The following PTPRR variants were observed in gnomAD, a reference collection of about 807,000 sequenced individuals.
The protein encoded by PTPRR is receptor-type tyrosine-protein phosphatase R.
In PTPRR, 38 loss-of-function variants were observed where a neutral mutation model predicts 77.2. That is an observed-to-expected ratio of 0.49 (90% CI 0.38 to 0.65). The LOEUF is 0.65. Ranked by LOEUF, PTPRR falls within the 30% of genes least tolerant of loss-of-function variation. The probability of loss-of-function intolerance (pLI) is 0.00; values close to 1 mark genes in which losing one functional copy is unlikely to be tolerated. For missense variants in PTPRR, 744 were observed against 799.2 expected (o/e 0.93, Z 0.83); for synonymous variants, 299 against 283.1 (o/e 1.06, Z -0.57).
chr12:70,790,762 A>G (rs1565698200), intron 2 of PTPRR, among the ~76,000 whole-genome samples: 1 of 152,164 alleles, frequency 6.6e-6, no homozygotes, highest in Non-Finnish European at 1.5e-5. Context: ...AAAACCAGCC[A>G]TCCCAGGAAG....
At chr12:70,817,211 A>C (rs1392885600) in intron 2 of PTPRR, among the ~76,000 whole-genome samples, 1 of 152,202 alleles carries the variant, frequency 6.6e-6, no homozygotes, top group Admixed American at 6.5e-5. Context: ...CAAACACTTT[A>C]ATGTGTTTTA....
At chr12:70,643,086 C>T (rs1886067339) in intron 13 of PTPRR, among the ~76,000 whole-genome samples, 1 of 152,154 alleles carries the variant, frequency 6.6e-6, no homozygotes, top group South Asian at 2.1e-4. Flanking sequence ...CAGAGGATAG[C>T]ATTTGCTCTA....
intron 6 of PTPRR, among the ~76,000 whole-genome samples, chr12:70,724,291 C>T: frequency 6.6e-6 from 1 of 152,154 alleles, no homozygotes; most frequent in Non-Finnish European, 1.5e-5. Context: ...TGGAGCCAGA[C>T]TGCCGGGGGT....
chr12:70,642,262 G>T lies in PTPRR; in HGVS notation c.1881-2985C>A, dbSNP rs1886031776. On this transcript the variant is annotated intron_variant, in intron 13 of 13. Coordinates refer to ENST00000283228, the MANE Select transcript of PTPRR (RefSeq NM_002849.4). ...ACTTTTTTTGAATGTGGACATTATA[G>T]CTTTCTCCCATCCTGTAATTATGCT... Among the ~76,000 whole-genome samples, 4 of 152,028 alleles carry T rather than the reference G, an allele frequency of 2.6e-5. No individual in the cohort carries two copies. The South Asian group carries it at 8.3e-4, about 32-fold the overall frequency.
chr12:70,848,163 A>G (rs1253241609), intron 2 of PTPRR, among the ~76,000 whole-genome samples: 1 of 152,212 alleles, frequency 6.6e-6, no homozygotes, highest in Non-Finnish European at 1.5e-5. Context: ...GGCCTAAACG[A>G]ACTGTCAAAC....
intron 6 of PTPRR, among the ~76,000 whole-genome samples, chr12:70,717,142 T>C (rs1889061839): frequency 6.6e-6 from 1 of 152,212 alleles, no homozygotes; most frequent in Non-Finnish European, 1.5e-5. Flanking sequence ...TTATTTCTTT[T>C]CATCAGAGAT....
intron 8 of PTPRR, among the ~76,000 whole-genome samples, chr12:70,696,942 T>A (rs1300504002): frequency 6.6e-6 from 1 of 152,176 alleles, no homozygotes; most frequent in Non-Finnish European, 1.5e-5. Flanking sequence ...CTTGTTCCTT[T>A]TTATTGATTC....
At chr12:70,910,677 G>A (rs1893686847) in intron 1 of PTPRR, among the ~76,000 whole-genome samples, 1 of 152,066 alleles carries the variant, frequency 6.6e-6, no homozygotes, top group African/African-American at 2.4e-5. Flanking sequence ...CCAGTTTGAG[G>A]AAATAAAACA....
chr12:70,895,013 T>C (rs1379794224), intron 1 of PTPRR, among the ~76,000 whole-genome samples: 2 of 151,732 alleles, frequency 1.3e-5, no homozygotes, highest in African/African-American at 4.8e-5. Flanking sequence ...AAGATGATTC[T>C]CATACTATTA....
At chr12:70,820,197 C>G (rs1290067227) in intron 2 of PTPRR, among the ~76,000 whole-genome samples, 1 of 152,172 alleles carries the variant, frequency 6.6e-6, no homozygotes. Context: ...TAAAAATAAT[C>G]ACTAGACACC....
At chr12:70,666,291 CA>C (rs1270186850) in intron 10 of PTPRR, among the ~76,000 whole-genome samples, 1 of 152,082 alleles carries the variant, frequency 6.6e-6, no homozygotes, top group Non-Finnish European at 1.5e-5. Context: ...GCTACTTAAC[CA>C]CAGCATTGAC....
At chr12:70,889,169 T>C (rs570858535) in intron 2 of PTPRR, among the ~76,000 whole-genome samples, 1 of 152,326 alleles carries the variant, frequency 6.6e-6, no homozygotes, top group South Asian at 2.1e-4. Flanking sequence ...TCTGTTGATA[T>C]GTACATAGAC....
At chr12:70,813,879 C>T (rs1010425600) in intron 2 of PTPRR, among the ~76,000 whole-genome samples, 2 of 152,122 alleles carry the variant, frequency 1.3e-5, no homozygotes, top group South Asian at 4.1e-4. Context: ...GAGTCCTGAT[C>T]AGCACAAGGA....
intron 13 of PTPRR, among the ~76,000 whole-genome samples, chr12:70,641,666 C>T (rs930423796): frequency 6.6e-6 from 1 of 152,156 alleles, no homozygotes; most frequent in Non-Finnish European, 1.5e-5. Flanking sequence ...ATGAAAAAAA[C>T]TGGCATCAGA....
chr12:70,662,408 A>G, intron 11 of PTPRR, 87 bp downstream of exon 11: 1 of 686,874 alleles, frequency 1.5e-6, no homozygotes, highest in Non-Finnish European at 2.3e-6. Flanking sequence ...CTTAAATTGC[A>G]TTTGTAGTAC....
chr12:70,716,178 G>T (rs1275507259), intron 6 of PTPRR, among the ~76,000 whole-genome samples: 1 of 152,070 alleles, frequency 6.6e-6, no homozygotes, highest in Non-Finnish European at 1.5e-5. Flanking sequence ...CAGCTTCTAA[G>T]TGTTTATAAC....
rs995322053 is a variant in PTPRR, at chr12:70,701,396, A to G, written c.1008-73T>C. 11 of 1,321,252 alleles carry G rather than the reference A, an allele frequency of 8.3e-6. No homozygotes were observed. In the Admixed American group the frequency reaches 1.5e-4, roughly 18 times the overall value. 81.8% of individuals were successfully genotyped at this position (1,321,252 alleles called of 1,614,324 possible). A position where few individuals can be genotyped will look rare whatever the true frequency, so the allele number is the denominator to read the frequency against. On this transcript the variant is annotated intron_variant, in intron 6 of 13. Transcript: ENST00000283228. The stretch of plus-strand genomic sequence containing the variant: ...ATTGCAAAAACTTGTCTTTCTGTAC[A>G]TGCACACAATTCAGTGAGAACTTTT...
At chr12:70,722,124 C>G (rs562122265) in intron 6 of PTPRR, among the ~76,000 whole-genome samples, 22 of 152,270 alleles carry the variant, frequency 1.4e-4, no homozygotes, top group Non-Finnish European at 3.1e-4. Context: ...TTCCCACCCA[C>G]TCCTTTCCTG....
rs767738639 is a variant in PTPRR at position 70,892,735 on chromosome 12, C to A, written c.301G>T (p.Gly101Cys). Residue 101 changes from glycine (G) to cysteine (C), a missense_variant, in exon 2 of 14, where the codon GGT becomes TGT. Physicochemically the swap from Gly to Cys is radical, Grantham distance 159. Coordinates refer to ENST00000283228, the MANE Select transcript of PTPRR (RefSeq NM_002849.4). Reference sequence around the variant, plus strand: ...AGATTTTCCACTTCAAGATCTTGACCATCCATGGCCAGCAGATTGAGAGAC... The same window carrying A: ...AGATTTTCCACTTCAAGATCTTGACAATCCATGGCCAGCAGATTGAGAGAC... ...DPSLNLLAMDGQDLEVENLPI... is the reference protein window; with the variant it reads ...DPSLNLLAMDCQDLEVENLPI... 1.9e-5 allele frequency: 30 copies of A among 1,613,220 alleles called. No homozygotes were observed. The highest frequency in any genetic ancestry group is 4.0e-5 in the African/African-American group (3 of 74,824).
Sources: allele counts gnomAD v4.1 joint callset (sites outside exome capture counted in the v4.1 genomes callset), GRCh38; gene constraint gnomAD v4.1.1; transcripts MANE v1.5; gene names NCBI Gene and HGNC (gene_info 2026-07-23, HGNC 2026-07-21).